Variants in DAPP1 observed in about 807,000 individuals in gnomAD.
DAPP1 encodes dual adaptor of phosphotyrosine and 3-phosphoinositides 1.
In DAPP1, 20 loss-of-function variants were observed where a neutral mutation model predicts 41.5. The observed-to-expected ratio is 0.48, with a 90% CI of 0.34 to 0.70. DAPP1 has a LOEUF of 0.70. Among genes scored for constraint, DAPP1 ranks in the 30% least tolerant of loss-of-function variants. The pLI, the probability that DAPP1 is intolerant of heterozygous loss-of-function variation, is 0.01. For synonymous variants in DAPP1, 113 were observed against 116.2 expected (o/e 0.97, Z 0.18); for missense variants, 233 against 333.4 (o/e 0.70, Z 2.35).
Position 99,840,296 on chromosome 4 carries a change from G to T in DAPP1, c.232G>T (p.Asp78Tyr). ...GLYSLSVRAK[D>Y]SVKHFHVEYT... ...CTTCTTTTTCCCTTTTAGGGCCAAA[G>T]ATTCTGTTAAACACTTTCATGTTGA... The change falls in exon 3 of 9, where the codon GAT (aspartate) becomes TAT (tyrosine). Residue 78 changes from aspartate to tyrosine, a missense_variant. Asp to Tyr is a radical substitution (Grantham distance 160). Transcript: ENST00000512369. 6.5e-7 allele frequency: 1 copy of T among 1,550,372 alleles called. No homozygotes were observed. The highest frequency in any genetic ancestry group is 8.7e-7 in the Non-Finnish European group (1 of 1,143,838).
At chr4:99,835,518 T>C (rs1353354384) in intron 1 of DAPP1, 105 bp from the exon 2 acceptor site, 14 of 1,503,810 alleles carry the variant, frequency 9.3e-6, no homozygotes, top group Non-Finnish European at 8.9e-6. Context: ...TCTGGGCTAC[T>C]TATCTTGAAG....
At chr4:99,867,881 A>C (rs1340304665) in intron 8 of DAPP1, among the ~76,000 whole-genome samples, 1 of 152,182 alleles carries the variant, frequency 6.6e-6, no homozygotes, top group Non-Finnish European at 1.5e-5. Flanking sequence ...TATTAGACCA[A>C]TTCCCAATTT....
At chr4:99,845,351 T>C (rs552093561) in intron 3 of DAPP1, among the ~76,000 whole-genome samples, 2 of 152,002 alleles carry the variant, frequency 1.3e-5, no homozygotes, top group Non-Finnish European at 2.9e-5. Context: ...TTAAATGGAT[T>C]TGGAAGAACT....
intron 7 of DAPP1, chr4:99,865,828 C>G (rs1039947664): frequency 2.0e-5 from 3 of 148,440 alleles, no homozygotes; most frequent in African/African-American, 7.5e-5. Context: ...TATATACCAG[C>G]ACTTCAAGGT....
At position 99,840,390 on chromosome 4, in the gene DAPP1, T is replaced by A. The variant is rs2110147414; in HGVS notation, c.326T>A (p.Phe109Tyr). ...TCTTTGAAGGATTTTGTCAAGCATT[T>A]TGCAAATCAGCCTTTGATTGGAAGC... ...FSSLKDFVKHFANQPLIGSET... is the reference protein window; with the variant it reads ...FSSLKDFVKHYANQPLIGSET... The change falls in exon 3 of 9, where the codon TTT becomes TAT. Residue 109 changes from phenylalanine (F) to tyrosine (Y), a missense_variant. Coordinates refer to ENST00000512369, the MANE Select transcript of DAPP1 (RefSeq NM_014395.3). 1 of 1,612,058 alleles carries A rather than the reference T, an allele frequency of 6.2e-7. No homozygotes were observed. Among genetic ancestry groups the A allele is most frequent in the East Asian group, 2.2e-5 (1 of 44,724 alleles).
At chr4:99,853,541 G>A (rs1723942383) in intron 4 of DAPP1, among the ~76,000 whole-genome samples, 193 bp downstream of exon 4, 1 of 152,192 alleles carries the variant, frequency 6.6e-6, no homozygotes, top group Admixed American at 6.5e-5. Flanking sequence ...TTACAATGCA[G>A]CCAGACATGG....
chr4:99,860,256 A>G (rs1305504324), intron 4 of DAPP1, among the ~76,000 whole-genome samples: 1 of 152,214 alleles, frequency 6.6e-6, no homozygotes, highest in Non-Finnish European at 1.5e-5. Context: ...GAAGAATACT[A>G]CACTTATAGT....
At chr4:99,834,880 C>T (rs1245443786) in intron 1 of DAPP1, among the ~76,000 whole-genome samples, 1 of 152,134 alleles carries the variant, frequency 6.6e-6, no homozygotes, top group African/African-American at 2.4e-5. Context: ...CTGTTCCAGG[C>T]CTCTTCCTGT....
At chr4:99,852,648 G>A (rs534862505) in intron 3 of DAPP1, among the ~76,000 whole-genome samples, 1 of 152,298 alleles carries the variant, frequency 6.6e-6, no homozygotes, top group South Asian at 2.1e-4. Flanking sequence ...CATTAATTGG[G>A]TAGTATCAGA....
chr4:99,851,074 A>G (rs1319298064), intron 3 of DAPP1, among the ~76,000 whole-genome samples: 3 of 152,194 alleles, frequency 2.0e-5, no homozygotes, highest in African/African-American at 7.2e-5. Context: ...GTTGGGAGCC[A>G]GCGCTGAATT....
At chr4:99,832,049 C>T (rs1053507992) in intron 1 of DAPP1, among the ~76,000 whole-genome samples, 62 of 149,960 alleles carry the variant, frequency 4.1e-4, no homozygotes, top group Admixed American at 1.1e-3. Context: ...TTCGATCTTT[C>T]TTTTTAGAAC....
At chr4:99,860,965 C>T (rs1724217372) in intron 4 of DAPP1, among the ~76,000 whole-genome samples, 1 of 152,158 alleles carries the variant, frequency 6.6e-6, no homozygotes, top group Non-Finnish European at 1.5e-5. Context: ...GTTAAAAGAA[C>T]TGGCTCATTC....
chr4:99,846,273 G>T (rs1320876563), intron 3 of DAPP1, among the ~76,000 whole-genome samples: 2 of 152,178 alleles, frequency 1.3e-5, no homozygotes, highest in African/African-American at 2.4e-5. Flanking sequence ...ATGGTGACTA[G>T]ATTGAGGCTG....
At chr4:99,860,767 A>C (rs931305594) in intron 4 of DAPP1, among the ~76,000 whole-genome samples, 3 of 152,230 alleles carry the variant, frequency 2.0e-5, no homozygotes, top group Non-Finnish European at 4.4e-5. Context: ...ATATGATGAC[A>C]TCACATTTGA....
chr4:99,832,255 C>A (rs1415776389), intron 1 of DAPP1, among the ~76,000 whole-genome samples: 1 of 152,228 alleles, frequency 6.6e-6, no homozygotes, highest in East Asian at 1.9e-4. Flanking sequence ...GGGAAAACTA[C>A]CAACTTAACT....
intron 1 of DAPP1, among the ~76,000 whole-genome samples, chr4:99,823,157 G>A (rs1170019861): frequency 6.6e-6 from 1 of 152,134 alleles, no homozygotes; most frequent in East Asian, 1.9e-4. Context: ...CTTTAAAACT[G>A]TTCATCGAAA....
intron 2 of DAPP1, 48 bp from the exon 3 acceptor site, chr4:99,840,241 A>G: frequency 1.5e-6 from 2 of 1,301,106 alleles, no homozygotes; most frequent in South Asian, 1.5e-5. Context: ...CCCTTCAACA[A>G]GATATTTATT....
chr4:99,858,591 T>G (rs1724127700), intron 4 of DAPP1, among the ~76,000 whole-genome samples: 1 of 152,218 alleles, frequency 6.6e-6, no homozygotes, highest in Admixed American at 6.5e-5. Context: ...GAATATTCTG[T>G]TACTTATTAA....
rs977857239 is a variant in DAPP1 at position 99,853,494 on chromosome 4, T to A, written c.489+146T>A. 10 of 1,154,248 alleles carry A rather than the reference T, an allele frequency of 8.7e-6. No homozygotes were observed. In the African/African-American group the frequency reaches 1.6e-4, roughly 18 times the overall value. The allele number at this position is 1,154,248 out of a possible 1,614,324, so 71.5% of individuals were successfully genotyped here. ...AAAGGAATGTGAGATTTGAAGCCTA[T>A]GACTCAGTTCATCTGGTCCTGGGTA... On this transcript the variant is annotated intron_variant, in intron 4 of 8. Coordinates refer to ENST00000512369, the MANE Select transcript of DAPP1 (RefSeq NM_014395.3).
Sources: gnomAD v4.1 joint callset for allele counts (sites outside exome capture counted in the v4.1 genomes callset) on GRCh38, gnomAD v4.1.1 for gene constraint, MANE v1.5 for transcripts, NCBI Gene and HGNC (gene_info 2026-07-23, HGNC 2026-07-21) for gene names.